YIPF7: variants seen among roughly 807,000 people sequenced by gnomAD.
YIPF7 encodes the protein protein YIPF7.
Under a neutral mutation model 27.2 loss-of-function variants are expected in YIPF7, and 35 were observed. The observed-to-expected ratio is 1.29, with a 90% CI of 0.98 to 1.70. The LOEUF (loss-of-function observed/expected upper bound fraction) is 1.70, where lower values mean the gene tolerates loss of function less well. Among genes scored for constraint, YIPF7 ranks in the 40% most tolerant of loss-of-function variants. The probability of loss-of-function intolerance (pLI) is 0.00; values close to 1 mark genes in which losing one functional copy is unlikely to be tolerated. For synonymous variants in YIPF7, 137 were observed against 110.4 expected (o/e 1.24, Z -1.51); for missense variants, 358 against 303.7 (o/e 1.18, Z -1.33).
At chr4:44,650,503 G>A (rs1011671727) in intron 1 of YIPF7, among the ~76,000 whole-genome samples, 16 of 71,106 alleles carry the variant, frequency 2.3e-4, no homozygotes, top group African/African-American at 6.6e-4. Flanking sequence ...ATGCGCGCGC[G>A]CGCGCACACA....
At position 44,622,208 on chromosome 4, in the gene YIPF7, G is replaced by A. The variant is rs1712465849; in HGVS notation, c.*206C>T. The A allele has an allele frequency of 3.3e-6, 2 of 606,314 alleles. No homozygotes were observed. Among genetic ancestry groups the A allele is most frequent in the Admixed American group, 3.2e-5 (1 of 31,092 alleles). 37.6% of individuals were successfully genotyped at this position (606,314 alleles called of 1,614,324 possible). A position where few individuals can be genotyped will look rare whatever the true frequency, so the allele number is the denominator to read the frequency against. ...CTTTTGATTTTAAGTATTTTGAAATGTTTTAATGCACCAAACTCAAAAGCA... is the reference window on the plus strand; with the variant it reads ...CTTTTGATTTTAAGTATTTTGAAATATTTTAATGCACCAAACTCAAAAGCA... On this transcript the variant is annotated 3_prime_UTR_variant, in exon 6 of 6. Coordinates refer to ENST00000415895, the MANE Select transcript of YIPF7 (RefSeq NM_182592.3).
intron 4 of YIPF7, 79 bp from the exon 5 acceptor site, chr4:44,624,861 C>T: frequency 7.4e-7 from 1 of 1,347,560 alleles, no homozygotes; most frequent in African/African-American, 1.4e-5. Context: ...AAGCAGAGAG[C>T]ATCTTAGAGT....
intron 2 of YIPF7, among the ~76,000 whole-genome samples, chr4:44,647,303 G>A (rs919087671): frequency 2.6e-5 from 4 of 152,090 alleles, no homozygotes; most frequent in Admixed American, 1.3e-4. Flanking sequence ...GGATAAAGCC[G>A]CGGTCCATGA....
At chr4:44,646,284 T>C (rs1175866386) in intron 2 of YIPF7, among the ~76,000 whole-genome samples, 1 of 152,214 alleles carries the variant, frequency 6.6e-6, no homozygotes, top group Non-Finnish European at 1.5e-5. Context: ...AGTTTGGTGG[T>C]AGCATGAGTC....
At chr4:44,625,353 T>C (rs1288920747) in intron 4 of YIPF7, among the ~76,000 whole-genome samples, 4 of 152,210 alleles carry the variant, frequency 2.6e-5, no homozygotes, top group African/African-American at 9.7e-5. Flanking sequence ...CAAGGTAATA[T>C]AACGCTAAGC....
chr4:44,625,409 G>A (rs943951306), intron 4 of YIPF7, among the ~76,000 whole-genome samples: 4 of 152,080 alleles, frequency 2.6e-5, no homozygotes, highest in Non-Finnish European at 4.4e-5. Context: ...CTAAAATTTA[G>A]GTCCTGAACA....
intron 2 of YIPF7, among the ~76,000 whole-genome samples, chr4:44,645,195 T>C (rs1378677774): frequency 6.6e-6 from 1 of 152,212 alleles, no homozygotes; most frequent in Non-Finnish European, 1.5e-5. Context: ...TTTTAGGGTT[T>C]TTTTCTAAAA....
At position 44,622,490 on chromosome 4, in the gene YIPF7, A is replaced by G. The variant is rs1388088148; in HGVS notation, c.695T>C (p.Met232Thr). 8 of 1,613,960 alleles carry G rather than the reference A, an allele frequency of 5.0e-6. No homozygotes were observed. The South Asian group carries it at 8.8e-5, about 18-fold the overall frequency. ...ASKIFIAALH[M>T]EGQQLLVAYP... ...GGCAACAAGAAGCTGCTGTCCTTCC[A>G]TGTGCAAGGCTGCAATGAAGATCTT... The change falls in exon 6 of 6, where the codon ATG becomes ACG. Residue 232 changes from methionine to threonine, a missense_variant. Coordinates refer to ENST00000415895, the MANE Select transcript of YIPF7 (RefSeq NM_182592.3).
intron 4 of YIPF7, among the ~76,000 whole-genome samples, chr4:44,626,707 T>C (rs538366438): frequency 4.0e-5 from 6 of 151,254 alleles, no homozygotes; most frequent in African/African-American, 1.2e-4. Context: ...AAATGTTCTA[T>C]TTTTTTAACC....
intron 3 of YIPF7, among the ~76,000 whole-genome samples, chr4:44,631,714 GAGC>G (rs1712903678): frequency 6.6e-6 from 1 of 152,030 alleles, no homozygotes; most frequent in African/African-American, 2.4e-5. Context: ...TGAAGAATAT[GAGC>G]AGTTCACCAA....
intron 2 of YIPF7, among the ~76,000 whole-genome samples, chr4:44,636,531 T>C (rs545850230): frequency 6.8e-4 from 103 of 152,258 alleles, no homozygotes; most frequent in Non-Finnish European, 1.2e-3. Context: ...TAACTTATCT[T>C]CAGGGACAGT....
chr4:44,622,198 AT>A lies in YIPF7; in HGVS notation c.*215del. The A allele has an allele frequency of 1.7e-6, 1 of 572,538 alleles. No homozygotes were observed. The highest frequency in any genetic ancestry group is 3.0e-5 in the East Asian group (1 of 32,904). The allele number at this position is 572,538 out of a possible 1,614,324, so 35.5% of individuals were successfully genotyped here. On this transcript the variant is annotated 3_prime_UTR_variant, in exon 6 of 6. Coordinates refer to ENST00000415895, the MANE Select transcript of YIPF7 (RefSeq NM_182592.3). ...AACTGTATCCCTTTTGATTTTAAGTATTTTGAAATGTTTTAATGCACCAAAC... is the reference window on the plus strand; with the variant it reads ...AACTGTATCCCTTTTGATTTTAAGTATTTGAAATGTTTTAATGCACCAAAC...
intron 2 of YIPF7, among the ~76,000 whole-genome samples, chr4:44,648,799 A>C (rs1040074450): frequency 9.9e-5 from 15 of 152,114 alleles, no homozygotes; most frequent in African/African-American, 3.6e-4. Context: ...TAATATCCTT[A>C]TTTTCCAGAT....
intron 2 of YIPF7, among the ~76,000 whole-genome samples, chr4:44,647,188 G>A (rs1382729410): frequency 6.6e-6 from 1 of 152,070 alleles, no homozygotes; most frequent in Non-Finnish European, 1.5e-5. Context: ...GTAAAATTAT[G>A]AGCTTTCCTC....
Position 44,622,493 on chromosome 4 carries a change from T to C in YIPF7, c.692A>G (p.His231Arg), listed in dbSNP as rs1165684633. 2 of 1,613,938 alleles carry C rather than the reference T, an allele frequency of 1.2e-6. No individual in the cohort carries two copies. The highest frequency in any genetic ancestry group is 1.3e-5 in the African/African-American group (1 of 75,060). Residue 231 changes from histidine to arginine, a missense_variant, in exon 6 of 6, where the codon CAC becomes CGC. Physicochemically the swap from His to Arg is conservative, Grantham distance 29. Transcript: ENST00000415895. ...SASKIFIAAL[H>R]MEGQQLLVAY... is the part of the protein sequence containing the mutation. ...AACAAGAAGCTGCTGTCCTTCCATG[T>C]GCAAGGCTGCAATGAAGATCTTGGA...
At chr4:44,626,348 G>A (rs1712634331) in intron 4 of YIPF7, among the ~76,000 whole-genome samples, 1 of 152,168 alleles carries the variant, frequency 6.6e-6, no homozygotes, top group African/African-American at 2.4e-5. Flanking sequence ...TCACATCATT[G>A]TCATGCATTA....
At chr4:44,659,996 C>G (rs1009514329) in intron 2 of YIPF7, among the ~76,000 whole-genome samples, 15 of 151,380 alleles carry the variant, frequency 9.9e-5, no homozygotes, top group Non-Finnish European at 1.8e-4. Flanking sequence ...TGCCTGTAGT[C>G]CCAGCTACTC....
intron 5 of YIPF7, among the ~76,000 whole-genome samples, chr4:44,623,682 A>G (rs1414865276): frequency 6.6e-6 from 1 of 152,230 alleles, no homozygotes; most frequent in African/African-American, 2.4e-5. Flanking sequence ...CCTATTAGGG[A>G]TAATTTCTAG....
intron 4 of YIPF7, 40 bp downstream of exon 4, chr4:44,629,363 G>A (rs1411866989): frequency 3.2e-6 from 5 of 1,543,368 alleles, no homozygotes; most frequent in African/African-American, 2.8e-5. Context: ...GCACTGGAAA[G>A]GACAAGCATT....
Sources: allele counts gnomAD v4.1 joint callset (sites outside exome capture counted in the v4.1 genomes callset), GRCh38; gene constraint gnomAD v4.1.1; transcripts MANE v1.5; gene names NCBI Gene and HGNC (gene_info 2026-07-23, HGNC 2026-07-21).